DRC7: variants seen among roughly 807,000 people sequenced by gnomAD.
DRC7 encodes dynein regulatory complex subunit 7.
In DRC7, 80 loss-of-function variants were observed where a neutral mutation model predicts 104.4. That is an observed-to-expected ratio of 0.77 (90% confidence interval 0.64 to 0.92). The LOEUF is 0.92. Among genes scored for constraint, DRC7 ranks in the 40% least tolerant of loss-of-function variants. DRC7 has a pLI of 0.00. For synonymous variants in DRC7, 405 were observed against 447.3 expected (o/e 0.91, Z 1.19); for missense variants, 1,034 against 1,141.1 (o/e 0.91, Z 1.35).
At chr16:57,719,214 G>T (rs1283906242) in intron 9 of DRC7, among the ~76,000 whole-genome samples, 1 of 152,126 alleles carries the variant, frequency 6.6e-6, no homozygotes, top group Non-Finnish European at 1.5e-5. Context: ...TCTGAATTCA[G>T]TTTCAGCCTT....
intron 17 of DRC7, 77 bp downstream of exon 17, chr16:57,728,661 C>T (rs1476284353): frequency 3.2e-5 from 40 of 1,234,522 alleles, no homozygotes; most frequent in Non-Finnish European, 4.4e-5. Context: ...GCTGTCCGCC[C>T]ACTACCTCAC....
At position 57,728,464 on chromosome 16, in the gene DRC7, G is replaced by C. The variant is rs376016442; in HGVS notation, c.2271G>C (p.Gln757His). 4.3e-6 allele frequency: 7 copies of C among 1,612,178 alleles called. No homozygotes were observed. In the African/African-American group the frequency reaches 8.0e-5, roughly 18 times the overall value. Residue 757 changes from glutamine to histidine, a missense_variant, in exon 17 of 19, where the codon CAG becomes CAC. Gln to His is a conservative substitution (Grantham distance 24). Transcript: ENST00000360716. ...ACTACCTGGCCCCATTCCTGGCCCAGCTCCCGCCAGGAGAGAAACTAACAT... is the reference window on the plus strand; with the variant it reads ...ACTACCTGGCCCCATTCCTGGCCCACCTCCCGCCAGGAGAGAAACTAACAT... ...QLDYLAPFLA[Q>H]LPPGEKLTCW...
intron 13 of DRC7, 41 bp from the exon 14 acceptor site, chr16:57,726,027 G>A (rs756213210): frequency 3.9e-6 from 6 of 1,550,762 alleles, no homozygotes; most frequent in South Asian, 1.1e-5. Flanking sequence ...CCTCTCACAC[G>A]CTCATCCTTT....
intron 17 of DRC7, among the ~76,000 whole-genome samples, chr16:57,730,337 A>C (rs1331943390): frequency 1.4e-5 from 2 of 145,832 alleles, no homozygotes; most frequent in Non-Finnish European, 3.0e-5. Flanking sequence ...GGGCGAGTGG[A>C]TAGATGGACG....
chr16:57,704,257 C>T (rs2048688676), intron 6 of DRC7, among the ~76,000 whole-genome samples: 1 of 152,002 alleles, frequency 6.6e-6, no homozygotes, highest in South Asian at 2.1e-4. Flanking sequence ...GAACTTGAAA[C>T]GCTGGAGATT....
At chr16:57,713,035 T>C (rs1319640359) in intron 8 of DRC7, among the ~76,000 whole-genome samples, 1 of 152,258 alleles carries the variant, frequency 6.6e-6, no homozygotes, top group African/African-American at 2.4e-5. Flanking sequence ...GATATTTCTA[T>C]TGTTGATTTC....
At chr16:57,714,273 T>A in intron 8 of DRC7, 1 of 189,496 alleles carries the variant, frequency 5.3e-6, no homozygotes. Context: ...CCTCACCTCC[T>A]AGGCAACATC....
chr16:57,731,149 G>T lies in DRC7; in HGVS notation c.2532-16G>T. On this transcript the variant is annotated splice_polypyrimidine_tract_variant and intron_variant, in intron 18 of 18. Coordinates refer to ENST00000360716, the MANE Select transcript of DRC7 (RefSeq NM_001289162.2). ...TTGTAACCCCTCACCCTCTTTCCTT[G>T]CCTCTCTGACTTCAGACACAAGGAA... The T allele has an allele frequency of 6.2e-7, 1 of 1,613,794 alleles. No individual in the cohort carries two copies. Among genetic ancestry groups the T allele is most frequent in the South Asian group, 1.1e-5 (1 of 91,084 alleles).
rs2048904686 is a variant in DRC7 at position 57,721,702 on chromosome 16, C to T, written c.1242C>T (p.Pro414=). The T allele has an allele frequency of 1.2e-6, 2 of 1,613,892 alleles. No homozygotes were observed. Among genetic ancestry groups the T allele is most frequent in the East Asian group, 2.2e-5 (1 of 44,860 alleles). Residue 414 remains proline (P), a synonymous_variant, in exon 10 of 19, where the codon CCC becomes CCT. Transcript: ENST00000360716. ...KEDEDKSFDM[P]HSWVEQIEIS... ...ATGAGGATAAGAGCTTCGACATGCC[C>T]CACTCGTGGGTGGAGCAGATTGAGA...
Position 57,704,896 on chromosome 16 carries a change from G to C in DRC7, c.720G>C (p.Lys240Asn). The change falls in exon 7 of 19, where the codon AAG becomes AAC. Residue 240 changes from lysine (K) to asparagine (N), a missense_variant. Transcript: ENST00000360716. ...KPKETIKKEE[K>N]VLPKKYTIKP... ...GACAGACCATCAAGAAGGAGGAAAA[G>C]GTGCTGCCTAAGAAGTATACCATCA... is the stretch of plus-strand genomic sequence containing the variant. 1 of 1,613,620 alleles carries C rather than the reference G, an allele frequency of 6.2e-7. No individual in the cohort carries two copies. The highest frequency in any genetic ancestry group is 2.2e-5 in the East Asian group (1 of 44,874).
At chr16:57,730,160 G>A (rs564382701) in intron 17 of DRC7, among the ~76,000 whole-genome samples, 13 of 90,866 alleles carry the variant, frequency 1.4e-4, no homozygotes, top group Admixed American at 6.5e-4. Context: ...TGGATGGATG[G>A]ATGAGTAGGT....
Position 57,700,289 on chromosome 16 carries a change from C to T in DRC7, c.504+19C>T. On this transcript the variant is annotated intron_variant, in intron 5 of 18. Coordinates refer to ENST00000360716, the MANE Select transcript of DRC7 (RefSeq NM_001289162.2). ...CAAGCCGGTAAGCACCACTCACAGG[C>T]TGCATGCCTGAGCCCACCAGGACTA... is the stretch of plus-strand genomic sequence containing the variant. 3 of 1,606,746 alleles carry T rather than the reference C, an allele frequency of 1.9e-6. No homozygotes were observed. Among genetic ancestry groups the T allele is most frequent in the Non-Finnish European group, 2.6e-6 (3 of 1,174,572 alleles).
intron 7 of DRC7, among the ~76,000 whole-genome samples, chr16:57,706,379 C>T (rs2048727384): frequency 2.7e-5 from 4 of 146,036 alleles, no homozygotes; most frequent in African/African-American, 2.6e-5. Context: ...TCCCATCCAT[C>T]CACCCTCCTA....
intron 8 of DRC7, among the ~76,000 whole-genome samples, chr16:57,710,770 A>T (rs901703702): frequency 5.9e-5 from 9 of 152,112 alleles, no homozygotes; most frequent in Admixed American, 2.0e-4. Flanking sequence ...TTTTTAGTTT[A>T]TCTACATGGT....
chr16:57,697,595 G>C (rs1466549713), intron 2 of DRC7, among the ~76,000 whole-genome samples: 1 of 151,960 alleles, frequency 6.6e-6, no homozygotes, highest in Non-Finnish European at 1.5e-5. Context: ...TAAAAAAAAA[G>C]ATAACTGTCA....
At chr16:57,702,260 C>A in intron 6 of DRC7, 130 bp downstream of exon 6, 1 of 834,120 alleles carries the variant, frequency 1.2e-6, no homozygotes, top group Non-Finnish European at 1.9e-6. Context: ...AGATCCCTCA[C>A]CACCAGCCCT....
At position 57,722,838 on chromosome 16, in the gene DRC7, C is replaced by G. The variant is rs1161344792; in HGVS notation, c.1405C>G (p.Gln469Glu). The part of the protein sequence containing the change: ...VSRLTTYEDL[Q>E]CTNILEIKEW... ...CCGCCTCACCACCTATGAGGACTTG[C>G]AGTGTAAGGGGGATTGCTCTGGACA... The change falls in exon 11 of 19, where the codon CAG (glutamine) becomes GAG (glutamate). Residue 469 changes from glutamine (Q) to glutamate (E), a missense_variant. Physicochemically the swap from Gln to Glu is conservative, Grantham distance 29. Coordinates refer to ENST00000360716, the MANE Select transcript of DRC7 (RefSeq NM_001289162.2). The G allele has an allele frequency of 1.2e-6, 2 of 1,613,714 alleles. No individual in the cohort carries two copies. Among genetic ancestry groups the G allele is most frequent in the Non-Finnish European group, 1.7e-6 (2 of 1,179,994 alleles).
Position 57,718,357 on chromosome 16 carries a change from T to TTGACCTGGGG in DRC7, c.1097_1098insGTGACCTGGG (p.Asp367Ter). 1 of 1,613,998 alleles carries TTGACCTGGGG rather than the reference T, an allele frequency of 6.2e-7. No individual in the cohort carries two copies. The highest frequency in any genetic ancestry group is 1.1e-5 in the South Asian group (1 of 91,074). ...CCTCATCCCCAACAGGACTTGATCT[T>TTGACCTGGGG]TGACCTGGGTGACCCTGTGAGATGG... On this transcript the variant is annotated frameshift_variant, in exon 9 of 19. Coordinates refer to ENST00000360716, the MANE Select transcript of DRC7 (RefSeq NM_001289162.2). LOFTEE classifies it high-confidence loss of function.
At chr16:57,721,605 C>A in intron 9 of DRC7, 62 bp from the exon 10 acceptor site, 1 of 1,324,200 alleles carries the variant, frequency 7.6e-7, no homozygotes, top group Non-Finnish European at 1.1e-6. Context: ...GAGCTTTGAC[C>A]ATAACTTCTG....
Sources: gnomAD v4.1 joint callset for allele counts (sites outside exome capture counted in the v4.1 genomes callset) on GRCh38, gnomAD v4.1.1 for gene constraint, MANE v1.5 for transcripts, NCBI Gene and HGNC (gene_info 2026-07-23, HGNC 2026-07-21) for gene names.